TAS2R14: variants seen among roughly 807,000 people sequenced by gnomAD.
TAS2R14 encodes taste 2 receptor member 14.
For missense variants in TAS2R14, 383 were observed against 372.0 expected, an observed-to-expected ratio of 1.03 and a Z score of -0.24; for synonymous variants, 131 against 131.0, an observed-to-expected ratio of 1.00 and a Z score of 0.00.
In TAS2R14 at chr12:10,938,590, C is replaced by A. The variant is rs137967465; in HGVS notation, c.618G>T (p.Trp206Cys). The A allele has an allele frequency of 3.0e-5, 48 of 1,613,706 alleles. No individual in the cohort carries two copies. In the African/African-American group the frequency reaches 5.7e-4, roughly 19 times the overall value. Residue 206 changes from tryptophan (W) to cysteine (C), a missense_variant, in exon 1 of 1, where the codon TGG becomes TGT. Trp to Cys is a radical substitution (Grantham distance 215). Transcript: ENST00000537503. ...TGTGCTGCATCTTCTTGCGATGTTT[C>A]CACATGGAGAAGATGAGGAGAAGAA...
At chr12:10,938,454 A>T (rs140885325) in exon 1 of TAS2R14, 1 of 1,613,980 alleles carries the variant, frequency 6.2e-7, no homozygotes, top group Admixed American at 1.7e-5. Flanking sequence ...TCAGAGGTCC[A>T]AACTGATATG....
At chr12:10,939,226 C>G in exon 1 of TAS2R14, 1 of 1,413,936 alleles carries the variant, frequency 7.1e-7, no homozygotes, top group East Asian at 2.3e-5. Flanking sequence ...AGAGCATGCC[C>G]CAATGTCTAA....
chr12:10,938,426 A>G, exon 1 of TAS2R14: 1 of 1,614,098 alleles, frequency 6.2e-7, no homozygotes, highest in Non-Finnish European at 8.5e-7. Context: ...AAGAATAATT[A>G]GATTTTCCTC....
exon 1 of TAS2R14, chr12:10,939,018 C>T (rs774929411): frequency 8.1e-6 from 13 of 1,613,408 alleles, no homozygotes; most frequent in African/African-American, 1.3e-5. Context: ...CACCAGCTTC[C>T]GAATATTAAC....
At chr12:10,939,083 G>C (rs1950348560) in exon 1 of TAS2R14, 9 of 1,614,008 alleles carry the variant, frequency 5.6e-6, no homozygotes, top group Non-Finnish European at 7.6e-6. Flanking sequence ...ATCAACCGAA[G>C]AGATCTTTCT....
chr12:10,938,729 C>T lies in TAS2R14; in HGVS notation c.479G>A (p.Arg160Lys), dbSNP rs770082368. ...ATCAGAACTGCAAGTCTTGTTTCTT[C>T]TGTATCCATTGATACTGGCATTTAT... Residue 160 changes from arginine to lysine, a missense_variant, in exon 1 of 1, where the codon AGA (arginine) becomes AAA (lysine). Arg to Lys is a conservative substitution (Grantham distance 26, BLOSUM62 2). Coordinates refer to ENST00000537503, the Ensembl canonical transcript of TAS2R14. 20 of 1,613,736 alleles carry T rather than the reference C, an allele frequency of 1.2e-5. No homozygotes were observed. In the African/African-American group the frequency reaches 1.5e-4, roughly 12 times the overall value.
chr12:10,938,316 G>A (rs1410000380), exon 1 of TAS2R14: 9 of 1,613,662 alleles, frequency 5.6e-6, no homozygotes, highest in African/African-American at 1.3e-5. Context: ...ATGTACCTCA[G>A]CCACAGTAGC....
At chr12:10,938,388 A>T in exon 1 of TAS2R14, 1 of 1,614,076 alleles carries the variant, frequency 6.2e-7, no homozygotes, top group Non-Finnish European at 8.5e-7. Context: ...GAGTGACATG[A>T]AGGATAAGCC....
exon 1 of TAS2R14, chr12:10,938,840 T>G: frequency 6.2e-7 from 1 of 1,613,562 alleles, no homozygotes; most frequent in Non-Finnish European, 8.5e-7. Context: ...AACCCTCCAC[T>G]TTAGGTAGAG....
exon 1 of TAS2R14, chr12:10,939,151 A>G: frequency 6.2e-7 from 1 of 1,602,546 alleles, no homozygotes; most frequent in Non-Finnish European, 8.5e-7. Flanking sequence ...CTAAATTTCC[A>G]ATTATAAATT....
chr12:10,938,842 T>C (rs759127788), exon 1 of TAS2R14: 6 of 1,613,478 alleles, frequency 3.7e-6, no homozygotes, highest in Admixed American at 1.7e-5. Flanking sequence ...CCCTCCACTT[T>C]AGGTAGAGAA....
exon 1 of TAS2R14, chr12:10,938,937 C>G: frequency 6.2e-7 from 1 of 1,613,930 alleles, no homozygotes; most frequent in South Asian, 1.1e-5. Flanking sequence ...TGATTGATCA[C>G]TGTCCAGATA....
At chr12:10,938,839 C>T (rs1228790689) in exon 1 of TAS2R14, 1 of 1,613,630 alleles carries the variant, frequency 6.2e-7, no homozygotes, top group Non-Finnish European at 8.5e-7. Context: ...TAACCCTCCA[C>T]TTTAGGTAGA....
chr12:10,939,034 CA>C (rs772036828), intron 4 of TAS2R14: 1 of 1,613,758 alleles, frequency 6.2e-7, no homozygotes, highest in South Asian at 1.1e-5. Context: ...TTAACCAAAC[CA>C]GGCTAATTCG....
At chr12:10,938,458 T>C in exon 1 of TAS2R14, 1 of 1,613,940 alleles carries the variant, frequency 6.2e-7, no homozygotes, top group Non-Finnish European at 8.5e-7. Context: ...AGGTCCAAAC[T>C]GATATGAAAA....
exon 1 of TAS2R14, chr12:10,938,583 G>A (rs779911373): frequency 9.3e-6 from 15 of 1,613,800 alleles, no homozygotes; most frequent in Middle Eastern, 1.6e-4. Flanking sequence ...ATCTTCTTGC[G>A]ATGTTTCCAC....
exon 1 of TAS2R14, chr12:10,938,345 C>T: frequency 2.5e-6 from 4 of 1,614,044 alleles, no homozygotes; most frequent in Non-Finnish European, 3.4e-6. Context: ...AGAGGCCTGT[C>T]TCAGCTTCTT....
chr12:10,939,085 G>T (rs1443490690), exon 1 of TAS2R14: 1 of 1,613,988 alleles, frequency 6.2e-7, no homozygotes, highest in South Asian at 1.1e-5. Context: ...CAACCGAAGA[G>T]ATCTTTCTTC....
chr12:10,938,402 C>A (rs1299968288), exon 1 of TAS2R14: 1 of 1,614,050 alleles, frequency 6.2e-7, no homozygotes, highest in East Asian at 2.2e-5. Context: ...ATAAGCCATT[C>A]CCATCACCTG....
Sources: allele counts gnomAD v4.1 joint callset, GRCh38; gene constraint gnomAD v4.1.1; transcripts MANE v1.5; gene names NCBI Gene and HGNC (gene_info 2026-07-23, HGNC 2026-07-21).